Variants in ADCY3 observed in about 807,000 individuals in gnomAD.
ADCY3 encodes the protein adenylate cyclase 3, also known as adenylate cyclase type 3.
ADCY3 carries 70 observed loss-of-function variants against 119.4 expected under a neutral mutation model. That is an observed-to-expected ratio of 0.59 (90% confidence interval 0.48 to 0.72). ADCY3 has a LOEUF of 0.72. ADCY3 is among the 30% of genes least tolerant of loss of function. The pLI, the probability that ADCY3 is intolerant of heterozygous loss-of-function variation, is 0.00. For missense variants in ADCY3, 1,238 were observed against 1,541.6 expected (o/e 0.80, Z 3.30); for synonymous variants, 672 against 621.4 (o/e 1.08, Z -1.21).
chr2:24,891,603 A>G (rs1425973610), intron 2 of ADCY3, among the ~76,000 whole-genome samples: 3 of 152,254 alleles, frequency 2.0e-5, no homozygotes, highest in African/African-American at 4.8e-5. Context: ...CAACCAAAGG[A>G]AAGATCATAC....
At chr2:24,824,243 C>CTGTT in intron 17 of ADCY3, 135 bp downstream of exon 17, 1 of 1,097,050 alleles carries the variant, frequency 9.1e-7, no homozygotes, top group Non-Finnish European at 1.3e-6. Context: ...TTTGTGTTTG[C>CTGTT]TGTTTAGGTT....
chr2:24,890,192 T>G (rs1677509310), intron 2 of ADCY3, among the ~76,000 whole-genome samples: 2 of 152,232 alleles, frequency 1.3e-5, no homozygotes, highest in Admixed American at 1.3e-4. Flanking sequence ...TCATTATATA[T>G]TATTCTTTTT....
chr2:24,827,200 G>C, intron 15 of ADCY3, among the ~76,000 whole-genome samples: 1 of 152,284 alleles, frequency 6.6e-6, no homozygotes, highest in East Asian at 1.9e-4. Context: ...AGATGAAATT[G>C]CAACTCATGG....
At chr2:24,903,474 G>C (rs1042889811) in intron 2 of ADCY3, among the ~76,000 whole-genome samples, 2 of 151,908 alleles carry the variant, frequency 1.3e-5, no homozygotes, top group African/African-American at 4.8e-5. Flanking sequence ...CGCTTCCCGG[G>C]GGGAGCCTGG....
Position 24,868,898 on chromosome 2 carries a change from C to T in ADCY3, c.825+3672G>A, listed in dbSNP as rs375053650. Among the ~76,000 whole-genome samples the T allele has an allele frequency of 7.3e-4, 110 of 151,374 alleles. No individual in the cohort carries two copies. In the East Asian group the frequency reaches 0.015, roughly 21 times the overall value. On this transcript the variant is annotated intron_variant, in intron 3 of 21. Transcript: ENST00000679454. ...AATTAGCCGGGCATGGTGGCAGGCA[C>T]CTGTAGTCCCAGCTACTCGGGAGGC...
At chr2:24,895,617 T>C (rs1217916375) in intron 2 of ADCY3, among the ~76,000 whole-genome samples, 1 of 151,914 alleles carries the variant, frequency 6.6e-6, no homozygotes, top group African/African-American at 2.4e-5. Flanking sequence ...GTTTTTTCTT[T>C]CTTTCTTCTT....
chr2:24,873,189 T>C (rs1276848928), intron 2 of ADCY3, among the ~76,000 whole-genome samples: 4 of 152,236 alleles, frequency 2.6e-5, no homozygotes, highest in Admixed American at 1.3e-4. Context: ...TGAGCAGGAC[T>C]GTGTAATCCT....
At chr2:24,824,274 TC>T in intron 17 of ADCY3, 103 bp downstream of exon 17, 1 of 1,436,204 alleles carries the variant, frequency 7.0e-7, no homozygotes. Context: ...TAGGCCCCAG[TC>T]CCCTGTCCCT....
chr2:24,919,029 G>A lies in ADCY3; in HGVS notation c.-42C>T, dbSNP rs1240153205. ...TACTGGCCCTAGAGAAGTGGACTGG[G>A]AACGGAGGAAGAGCTCTGGACTGGG... On this transcript the variant is annotated 5_prime_UTR_variant, in exon 2 of 22. Coordinates refer to ENST00000679454, the MANE Select transcript of ADCY3 (RefSeq NM_004036.5). This position sits in a 1 kb window ranked among gnomAD's most constrained non-coding sequence, Gnocchi z 5.5. 6.0e-6 allele frequency: 9 copies of A among 1,500,792 alleles called. No homozygotes were observed. The South Asian group carries it at 9.0e-5, about 15-fold the overall frequency. The allele number at this position is 1,500,792 out of a possible 1,614,324, so 93.0% of individuals were successfully genotyped here. A position where few individuals can be genotyped will look rare whatever the true frequency, so the allele number is the denominator to read the frequency against.
intron 2 of ADCY3, among the ~76,000 whole-genome samples, chr2:24,875,990 A>G (rs6722022): frequency 0.53 from 79,973 of 150,134 alleles, 23,752 homozygotes; most frequent in African/African-American, 0.82. Context: ...TCTTTTTGGG[A>G]GGGGGGCGGT....
intron 21 of ADCY3, 120 bp from the exon 22 acceptor site, chr2:24,820,234 A>G (rs775072601): frequency 2.5e-6 from 3 of 1,182,378 alleles, no homozygotes; most frequent in South Asian, 1.9e-5. Flanking sequence ...AGTACGGGAC[A>G]CTCCCCAAAC....
At chr2:24,826,359 A>G in intron 15 of ADCY3, 1 of 527,638 alleles carries the variant, frequency 1.9e-6, no homozygotes, top group Non-Finnish European at 3.4e-6. Context: ...TGCACCTGGT[A>G]TTCACATCAG....
chr2:24,825,332 GGC>G (rs1338238232), intron 16 of ADCY3, among the ~76,000 whole-genome samples: 3 of 35,606 alleles, frequency 8.4e-5, no homozygotes, highest in African/African-American at 2.4e-4. Context: ...CGGTGGTTGT[GGC>G]GGGGGGGGGG....
At chr2:24,853,003 A>AGGGT (rs1672525411) in intron 3 of ADCY3, among the ~76,000 whole-genome samples, 2 of 96,176 alleles carry the variant, frequency 2.1e-5, no homozygotes, top group Non-Finnish European at 3.8e-5. Context: ...GAACAGCTGG[A>AGGGT]GGGTGTGTGT....
At position 24,878,931 on chromosome 2, in the gene ADCY3, C is replaced by T. The variant is rs985085388; in HGVS notation, c.676-6212G>A. Among the ~76,000 whole-genome samples, 2 of 152,216 alleles carry T rather than the reference C, an allele frequency of 1.3e-5. No individual in the cohort carries two copies. Among genetic ancestry groups the T allele is most frequent in the Admixed American group, 6.5e-5 (1 of 15,290 alleles). ...CTCTGTCCTCACTCCTTCGCCTCGT[C>T]GCCTGGAAAGCAAACTCCATGCAGC... is the stretch of plus-strand genomic sequence containing the variant. On this transcript the variant is annotated intron_variant, in intron 2 of 21. Coordinates refer to ENST00000679454, the MANE Select transcript of ADCY3 (RefSeq NM_004036.5). This position sits in a 1 kb window ranked among gnomAD's most constrained non-coding sequence, Gnocchi z 4.0.
intron 3 of ADCY3, among the ~76,000 whole-genome samples, chr2:24,861,659 G>A (rs755922262): frequency 2.0e-5 from 3 of 152,278 alleles, no homozygotes; most frequent in East Asian, 1.9e-4. Context: ...CCGAAGACCC[G>A]TCAGCTGATG....
chr2:24,848,815 T>A (rs1671952114), intron 3 of ADCY3, among the ~76,000 whole-genome samples: 1 of 152,128 alleles, frequency 6.6e-6, no homozygotes, highest in Non-Finnish European at 1.5e-5. Flanking sequence ...TGGCCAGAAG[T>A]TTTTAGGTTG....
intron 2 of ADCY3, among the ~76,000 whole-genome samples, chr2:24,882,860 C>T (rs1236724825): frequency 7.2e-5 from 11 of 151,738 alleles, no homozygotes; most frequent in Non-Finnish European, 1.0e-4. Context: ...AGTTCGAGAC[C>T]AGCCTGGGCA....
chr2:24,821,241 A>G, intron 20 of ADCY3: 3 of 464,104 alleles, frequency 6.5e-6, no homozygotes, highest in Non-Finnish European at 1.1e-5. Flanking sequence ...CCCTCTGGAA[A>G]TGGATCACAA....
Sources: allele counts gnomAD v4.1 joint callset (sites outside exome capture counted in the v4.1 genomes callset), GRCh38; gene constraint gnomAD v4.1.1; non-coding constraint Gnocchi (gnomAD v3.1); transcripts MANE v1.5; gene names NCBI Gene and HGNC (gene_info 2026-07-23, HGNC 2026-07-21).